The following LAMA2 variants were observed in gnomAD, a reference collection of about 807,000 sequenced individuals.
The protein encoded by LAMA2 is laminin subunit alpha 2.
LAMA2 carries 269 observed loss-of-function variants against 364.8 expected under a neutral mutation model. That is an observed-to-expected ratio of 0.74 (90% confidence interval 0.67 to 0.82). LAMA2 has a LOEUF of 0.82. Ranked by LOEUF, LAMA2 falls within the 40% of genes least tolerant of loss-of-function variation. The pLI, the probability that LAMA2 is intolerant of heterozygous loss-of-function variation, is 0.00. For missense variants in LAMA2, 3,807 were observed against 3,873.2 expected, an observed-to-expected ratio of 0.98 and a Z score of 0.45; for synonymous variants, 1,379 against 1,370.6, an observed-to-expected ratio of 1.01 and a Z score of -0.14.
chr6:128,893,318 T>C (rs1321957872), intron 1 of LAMA2, among the ~76,000 whole-genome samples: 2 of 151,912 alleles, frequency 1.3e-5, no homozygotes, highest in African/African-American at 2.4e-5. Context: ...TTAGGCATCA[T>C]TGGTTATGAA....
intron 33 of LAMA2, 116 bp downstream of exon 33, chr6:129,366,477 T>C (rs1777786193): frequency 1.8e-6 from 2 of 1,135,116 alleles, no homozygotes; most frequent in Non-Finnish European, 2.6e-6. Context: ...GGGACACAAC[T>C]GTTAGGGAAA....
chr6:129,061,439 T>C (rs1788907049), intron 3 of LAMA2, among the ~76,000 whole-genome samples: 1 of 152,330 alleles, frequency 6.6e-6, no homozygotes, highest in Middle Eastern at 3.4e-3. Context: ...TTACCTGTTA[T>C]CAAACATGGC....
chr6:129,132,859 T>A (rs1225610155), intron 4 of LAMA2, among the ~76,000 whole-genome samples: 2 of 152,232 alleles, frequency 1.3e-5, no homozygotes, highest in Non-Finnish European at 2.9e-5. Context: ...TTTATTTACC[T>A]TTGTTAGAGA....
chr6:129,305,489 T>C (rs552104194), intron 22 of LAMA2, among the ~76,000 whole-genome samples: 4 of 152,178 alleles, frequency 2.6e-5, no homozygotes, highest in Admixed American at 6.5e-5. Context: ...CATGCTTGGC[T>C]AATTTTTAAG....
intron 8 of LAMA2, chr6:129,157,721 G>T: frequency 6.2e-7 from 1 of 1,611,818 alleles, no homozygotes; most frequent in Non-Finnish European, 8.5e-7. Context: ...GCATATCTTC[G>T]TATGACGGAT....
intron 56 of LAMA2, among the ~76,000 whole-genome samples, chr6:129,489,829 G>A (rs1237420037): frequency 6.6e-6 from 1 of 151,550 alleles, no homozygotes; most frequent in Admixed American, 6.6e-5. Flanking sequence ...CAACTGATAT[G>A]GTTTTAAAAA....
chr6:129,172,510 C>G (rs1181833425), intron 9 of LAMA2, among the ~76,000 whole-genome samples: 2 of 152,224 alleles, frequency 1.3e-5, no homozygotes, highest in East Asian at 1.9e-4. Context: ...CAGGGACCCA[C>G]TTGAGGAGGC....
At chr6:129,366,603 A>T (rs1777794512) in intron 33 of LAMA2, among the ~76,000 whole-genome samples, 1 of 152,170 alleles carries the variant, frequency 6.6e-6, no homozygotes, top group South Asian at 2.1e-4. Flanking sequence ...CAGTTTTATT[A>T]TGTCACTTAA....
chr6:129,446,534 GGAGGC>G (rs1562571516), intron 45 of LAMA2, among the ~76,000 whole-genome samples: 2 of 52,766 alleles, frequency 3.8e-5, no homozygotes, highest in Non-Finnish European at 3.8e-5. Flanking sequence ...GGAGGGGAGG[GGAGGC>G]GAGGGGAGGG....
intron 37 of LAMA2, among the ~76,000 whole-genome samples, chr6:129,395,280 G>A (rs1779549371): frequency 6.6e-6 from 1 of 152,178 alleles, no homozygotes; most frequent in Non-Finnish European, 1.5e-5. Flanking sequence ...TGTCCACAAT[G>A]AAGGTAACAC....
chr6:128,974,468 A>G (rs1294157601), intron 1 of LAMA2, among the ~76,000 whole-genome samples: 1 of 152,232 alleles, frequency 6.6e-6, no homozygotes, highest in Non-Finnish European at 1.5e-5. Context: ...CATCTTGTGG[A>G]ATATAAATTT....
chr6:129,432,343 G>T (rs995286439), intron 41 of LAMA2, among the ~76,000 whole-genome samples: 1 of 152,174 alleles, frequency 6.6e-6, no homozygotes, highest in African/African-American at 2.4e-5. Flanking sequence ...AGAGGGGCAG[G>T]TTCTATTGGA....
Position 128,981,533 on chromosome 6 carries a change from A to C in LAMA2, c.113-68385A>C, listed in dbSNP as rs1437953892. Among the ~76,000 whole-genome samples the C allele has an allele frequency of 2.0e-5, 3 of 150,066 alleles. No homozygotes were observed. In the East Asian group the frequency reaches 6.0e-4, roughly 30 times the overall value. On this transcript the variant is annotated intron_variant, in intron 1 of 64. Coordinates refer to ENST00000421865, the MANE Select transcript of LAMA2 (RefSeq NM_000426.4). ...CAAGGCCAGCAGATCACTTGAGCTCAGGAGTTCGAGACCAGCCTGGGCAAT... is the reference window on the plus strand; with the variant it reads ...CAAGGCCAGCAGATCACTTGAGCTCCGGAGTTCGAGACCAGCCTGGGCAAT...
intron 40 of LAMA2, among the ~76,000 whole-genome samples, chr6:129,408,966 A>G (rs570354393): frequency 5.3e-5 from 8 of 152,336 alleles, no homozygotes; most frequent in Non-Finnish European, 8.8e-5. Flanking sequence ...CCACTCAGAG[A>G]GGTCCATCCA....
chr6:128,982,636 T>C (rs968316455), intron 1 of LAMA2, among the ~76,000 whole-genome samples: 1 of 152,058 alleles, frequency 6.6e-6, no homozygotes, highest in African/African-American at 2.4e-5. Context: ...CTTTAAGTTT[T>C]AGGGTACATG....
intron 31 of LAMA2, among the ~76,000 whole-genome samples, chr6:129,350,610 C>G (rs1776805081): frequency 6.6e-6 from 1 of 152,136 alleles, no homozygotes; most frequent in Admixed American, 6.5e-5. Context: ...GAAATCATAC[C>G]CTTGATTAGA....
intron 12 of LAMA2, among the ~76,000 whole-genome samples, chr6:129,235,847 T>G (rs1193705531): frequency 6.6e-6 from 1 of 152,178 alleles, no homozygotes; most frequent in Non-Finnish European, 1.5e-5. Flanking sequence ...TCTGACCTAC[T>G]TATATGTGTG....
intron 34 of LAMA2, among the ~76,000 whole-genome samples, 198 bp from the exon 35 acceptor site, chr6:129,382,924 T>C (rs2114653515): frequency 6.6e-6 from 1 of 152,368 alleles, no homozygotes. Flanking sequence ...CTCTCTGATT[T>C]CCATTTAATG....
At chr6:129,383,611 T>C (rs891985350) in intron 35 of LAMA2, among the ~76,000 whole-genome samples, 1 of 152,236 alleles carries the variant, frequency 6.6e-6, no homozygotes, top group Non-Finnish European at 1.5e-5. Flanking sequence ...AAAGCAGCAC[T>C]TTAGTTTCTC....
Sources: allele counts gnomAD v4.1 joint callset (sites outside exome capture counted in the v4.1 genomes callset), GRCh38; gene constraint gnomAD v4.1.1; transcripts MANE v1.5; gene names NCBI Gene and HGNC (gene_info 2026-07-23, HGNC 2026-07-21).